GREB1L: variants seen among roughly 807,000 people sequenced by gnomAD.
GREB1L encodes the protein GREB1-like protein.
A neutral mutation model predicts 200.8 loss-of-function variants in GREB1L; 17 were observed. That is an observed-to-expected ratio of 0.08 (90% CI 0.06 to 0.13). The LOEUF (loss-of-function observed/expected upper bound fraction) is 0.13. Among genes scored for constraint, GREB1L ranks in the 10% least tolerant of loss-of-function variants. The pLI is 1.00. For synonymous variants in GREB1L, 789 were observed against 893.0 expected (o/e 0.88, Z 2.08); for missense variants, 1,657 against 2,367.7 (o/e 0.70, Z 6.23).
chr18:21,326,519 C>T (rs1020123020), intron 1 of GREB1L, among the ~76,000 whole-genome samples: 10 of 152,112 alleles, frequency 6.6e-5, no homozygotes, highest in African/African-American at 1.9e-4. Flanking sequence ...CAGTCCTCCC[C>T]GACTCTCAGC....
In GREB1L at chr18:21,417,065, G is replaced by A. The variant is rs1444648635; in HGVS notation, c.832+13071G>A. Among the ~76,000 whole-genome samples the A allele has an allele frequency of 3.9e-5, 6 of 151,946 alleles. No individual in the cohort carries two copies. The South Asian group carries it at 6.2e-4, about 16-fold the overall frequency. On this transcript the variant is annotated intron_variant, in intron 7 of 32. Transcript: ENST00000424526. ...TATAAATAAATAAAATTGCTCAAAA[G>A]CAATGGTAAAGAGAAAAATCTTAAA...
Position 21,444,290 on chromosome 18 carries a change from A to G in GREB1L, c.1274A>G (p.Asn425Ser). Residue 425 changes from asparagine to serine, a missense_variant, in exon 11 of 33, where the codon AAT becomes AGT. Transcript: ENST00000424526. The part of the protein sequence containing the change: ...GDIVVSPLLV[N>S]CYKIPQLENK... ...ATTGTTGTGAGTCCTCTGCTGGTGA[A>G]TTGCTACAAGATTCCACAGTTGGAA... The G allele has an allele frequency of 2.6e-6, 4 of 1,551,776 alleles. No individual in the cohort carries two copies. The highest frequency in any genetic ancestry group is 3.5e-6 in the Non-Finnish European group (4 of 1,146,796).
At chr18:21,421,154 C>A (rs2032115525) in intron 7 of GREB1L, among the ~76,000 whole-genome samples, 1 of 152,018 alleles carries the variant, frequency 6.6e-6, no homozygotes, top group Non-Finnish European at 1.5e-5. Flanking sequence ...CAAAGAGGTA[C>A]AAGGAAACGT....
At chr18:21,322,394 G>A (rs2038964130) in intron 1 of GREB1L, among the ~76,000 whole-genome samples, 1 of 152,114 alleles carries the variant, frequency 6.6e-6, no homozygotes, top group African/African-American at 2.4e-5. Context: ...GTAGGTTGAG[G>A]AGCCTTGATC....
intron 17 of GREB1L, among the ~76,000 whole-genome samples, chr18:21,481,461 G>GTATATATATATA: frequency 7.0e-6 from 1 of 143,004 alleles, no homozygotes; most frequent in African/African-American, 2.6e-5. Flanking sequence ...GTGTGTGTGT[G>GTATATATATATA]TGTGTGTGTG....
At chr18:21,297,166 G>C (rs1333091657) in intron 1 of GREB1L, among the ~76,000 whole-genome samples, 3 of 152,116 alleles carry the variant, frequency 2.0e-5, no homozygotes, top group Admixed American at 2.0e-4. Context: ...ATTTTCACAA[G>C]ATCCCAGGTA....
At chr18:21,335,564 C>A (rs2039171753) in intron 1 of GREB1L, among the ~76,000 whole-genome samples, 2 of 152,022 alleles carry the variant, frequency 1.3e-5, no homozygotes, top group African/African-American at 2.4e-5. Context: ...GATTAAAAGG[C>A]AAATTAACTT....
At chr18:21,403,232 C>A (rs1432571240) in intron 6 of GREB1L, among the ~76,000 whole-genome samples, 1 of 152,122 alleles carries the variant, frequency 6.6e-6, no homozygotes, top group African/African-American at 2.4e-5. Context: ...TAAATCAGTA[C>A]AAAGCACTAT....
At chr18:21,501,020 T>A (rs1277592644) in intron 23 of GREB1L, among the ~76,000 whole-genome samples, 5 of 138,578 alleles carry the variant, frequency 3.6e-5, no homozygotes, top group African/African-American at 1.1e-4. Flanking sequence ...TGAGCCAAGA[T>A]CACATCACTA....
At chr18:21,399,844 A>G (rs1598760981) in intron 5 of GREB1L, among the ~76,000 whole-genome samples, 1 of 152,174 alleles carries the variant, frequency 6.6e-6, no homozygotes. Flanking sequence ...TGGACTTCCA[A>G]TTTATAAATG....
chr18:21,247,933 A>G (rs745824663), intron 1 of GREB1L, among the ~76,000 whole-genome samples: 1 of 152,198 alleles, frequency 6.6e-6, no homozygotes, highest in Non-Finnish European at 1.5e-5. Flanking sequence ...GCATTTTAAC[A>G]ACCCTTCTGA....
At chr18:21,273,220 T>TC (rs774289048) in intron 1 of GREB1L, among the ~76,000 whole-genome samples, 3 of 152,072 alleles carry the variant, frequency 2.0e-5, no homozygotes, top group Non-Finnish European at 4.4e-5. Context: ...AGAATGAGAC[T>TC]CCATCTCAAA....
chr18:21,461,644 C>CTG (rs201230943), intron 15 of GREB1L, among the ~76,000 whole-genome samples: 4 of 152,224 alleles, frequency 2.6e-5, no homozygotes, highest in Non-Finnish European at 4.4e-5. Flanking sequence ...TTTTCTCCCA[C>CTG]TGTGTGTGTG....
In GREB1L at chr18:21,508,185, A is replaced by G. The variant is rs2037094613; in HGVS notation, c.4436A>G (p.Tyr1479Cys). ...ATGCTGGGAGAAGAGGTTCAGCTCTATTTCATCATTCCCAAATCCAAAGAG... is the reference window on the plus strand; with the variant it reads ...ATGCTGGGAGAAGAGGTTCAGCTCTGTTTCATCATTCCCAAATCCAAAGAG... ...SSMLGEEVQL[Y>C]FIIPKSKESH... is the part of the protein sequence containing the mutation. The change falls in exon 26 of 33, where the codon TAT becomes TGT. Residue 1479 changes from tyrosine (Y) to cysteine (C), a missense_variant. Coordinates refer to ENST00000424526, the MANE Select transcript of GREB1L (RefSeq NM_001142966.3). The G allele has an allele frequency of 1.9e-6, 3 of 1,551,378 alleles. No homozygotes were observed. The highest frequency in any genetic ancestry group is 1.2e-5 in the South Asian group (1 of 84,048).
At position 21,392,518 on chromosome 18, in the gene GREB1L, AT is replaced by A. The variant is rs1367216171; in HGVS notation, c.356-2861del. On this transcript the variant is annotated intron_variant, in intron 4 of 32. Coordinates refer to ENST00000424526, the MANE Select transcript of GREB1L (RefSeq NM_001142966.3). Reference sequence around the variant, plus strand: ...TGCTAAAGAATTCATAAGTTTTTATATTTTTTCTTAATTCATGAACTTCTAG... The same window carrying A: ...TGCTAAAGAATTCATAAGTTTTTATATTTTTCTTAATTCATGAACTTCTAG... 4.6e-5 allele frequency among the ~76,000 whole-genome samples: 7 copies of A among 152,238 alleles called. No individual in the cohort carries two copies. The South Asian group carries it at 6.2e-4, about 14-fold the overall frequency.
At chr18:21,431,581 T>C (rs2145097144) in intron 7 of GREB1L, among the ~76,000 whole-genome samples, 1 of 152,316 alleles carries the variant, frequency 6.6e-6, no homozygotes. Flanking sequence ...TTGAAAAGAA[T>C]GTATATTCTG....
Position 21,401,275 on chromosome 18 carries a change from G to A in GREB1L, c.658G>A (p.Val220Ile), listed in dbSNP as rs1446790084. Residue 220 changes from valine to isoleucine, a missense_variant, in exon 6 of 33, where the codon GTC (valine) becomes ATC (isoleucine). By Grantham distance (29) the Val-to-Ile change is conservative. This residue lies in a region of GREB1L where 70 missense variants were observed against 151.3 expected (regional missense o/e 0.46). Transcript: ENST00000424526. ...GCAGAAGCACTTAAAGTACTACCTA[G>A]TCAGAAGCTCCCAGGGTGTACTGTC... ...KKQKHLKYYL[V>I]RSSQGVLSKG... The A allele has an allele frequency of 6.4e-7, 1 of 1,551,630 alleles. No homozygotes were observed. Among genetic ancestry groups the A allele is most frequent in the Non-Finnish European group, 8.7e-7 (1 of 1,146,968 alleles).
intron 1 of GREB1L, among the ~76,000 whole-genome samples, chr18:21,303,919 CTG>C (rs1397347043): frequency 6.6e-6 from 1 of 152,174 alleles, no homozygotes; most frequent in Non-Finnish European, 1.5e-5. Context: ...GAAGCTGACA[CTG>C]TGTTGGGGAA....
chr18:21,277,613 G>T (rs2038190476), intron 1 of GREB1L, among the ~76,000 whole-genome samples: 1 of 152,044 alleles, frequency 6.6e-6, no homozygotes, highest in Admixed American at 6.6e-5. Context: ...CCCAGCCTAG[G>T]CCTTTGTGTA....
Sources: gnomAD v4.1 joint callset for allele counts (sites outside exome capture counted in the v4.1 genomes callset) on GRCh38, gnomAD v4.1.1 for gene constraint, gnomAD v4.1.1 regional missense constraint, MANE v1.5 for transcripts, NCBI Gene and HGNC (gene_info 2026-07-23, HGNC 2026-07-21) for gene names.